The following CCDC178 variants were observed in gnomAD, a reference collection of about 807,000 sequenced individuals.
The protein encoded by CCDC178 is coiled-coil domain containing 178.
In CCDC178, 126 loss-of-function variants were observed where a neutral mutation model predicts 117.4. The observed-to-expected ratio is 1.07, with a 90% CI of 0.93 to 1.24. The LOEUF (loss-of-function observed/expected upper bound fraction) is 1.24, where lower values mean the gene tolerates loss of function less well. Among genes scored for constraint, CCDC178 ranks in the 50% most tolerant of loss-of-function variants. The pLI is 0.00. For synonymous variants in CCDC178, 283 were observed against 313.4 expected (o/e 0.90, Z 1.02); for missense variants, 1,030 against 986.9 (o/e 1.04, Z -0.59).
At chr18:33,028,860 T>C (rs1337364996) in intron 21 of CCDC178, among the ~76,000 whole-genome samples, 1 of 151,918 alleles carries the variant, frequency 6.6e-6, no homozygotes. Flanking sequence ...CTTGCATACC[T>C]AGGAAAAATC....
chr18:33,279,082 A>G (rs921305673), intron 12 of CCDC178, among the ~76,000 whole-genome samples: 3 of 152,102 alleles, frequency 2.0e-5, no homozygotes, highest in Non-Finnish European at 4.4e-5. Context: ...CCTATTCAAC[A>G]TAGTGTTGGA....
intron 21 of CCDC178, among the ~76,000 whole-genome samples, chr18:33,057,373 C>T (rs1445742587): frequency 6.6e-6 from 1 of 152,114 alleles, no homozygotes; most frequent in Non-Finnish European, 1.5e-5. Flanking sequence ...ACAATAATGA[C>T]ATATAAGGCA....
rs1208916351 is a variant in CCDC178 at position 33,239,857 on chromosome 18, G to T, written c.1593+5388C>A. Among the ~76,000 whole-genome samples, 4 of 151,018 alleles carry T rather than the reference G, an allele frequency of 2.6e-5. No homozygotes were observed. In the East Asian group the frequency reaches 5.8e-4, roughly 22 times the overall value. On this transcript the variant is annotated intron_variant, in intron 15 of 22. Transcript: ENST00000383096. ...TCTAAATAGCACCATTGACCAAATG[G>T]ACCTAACAGATATTTAGAGAATGTT...
At chr18:33,409,748 A>G (rs757346762) in intron 3 of CCDC178, among the ~76,000 whole-genome samples, 5 of 152,116 alleles carry the variant, frequency 3.3e-5, no homozygotes, top group Non-Finnish European at 2.9e-5. Flanking sequence ...ACAGAATAGG[A>G]AATCTGATGA....
intron 11 of CCDC178, among the ~76,000 whole-genome samples, chr18:33,317,582 G>T (rs2062437882): frequency 6.6e-6 from 1 of 152,010 alleles, no homozygotes; most frequent in Non-Finnish European, 1.5e-5. Flanking sequence ...ATTCTTTCTT[G>T]CACGAGATCC....
At chr18:33,005,057 G>A (rs573734785) in intron 21 of CCDC178, among the ~76,000 whole-genome samples, 1 of 152,140 alleles carries the variant, frequency 6.6e-6, no homozygotes, top group Admixed American at 6.6e-5. Flanking sequence ...ATAGTTTGGA[G>A]GTTGTTCAAA....
At chr18:32,956,332 CA>C (rs544572876) in intron 22 of CCDC178, among the ~76,000 whole-genome samples, 3 of 152,234 alleles carry the variant, frequency 2.0e-5, no homozygotes, top group African/African-American at 7.2e-5. Context: ...CTAAGAAATA[CA>C]GCATAAAGTG....
At chr18:33,238,776 G>A (rs2059453955) in intron 15 of CCDC178, among the ~76,000 whole-genome samples, 1 of 152,106 alleles carries the variant, frequency 6.6e-6, no homozygotes, top group South Asian at 2.1e-4. Context: ...GATCCAGGAA[G>A]CTCAAATAAT....
At chr18:33,418,370 C>T (rs1204411812) in intron 2 of CCDC178, among the ~76,000 whole-genome samples, 1 of 151,952 alleles carries the variant, frequency 6.6e-6, no homozygotes, top group Non-Finnish European at 1.5e-5. Flanking sequence ...TAAGACAAAC[C>T]CACAGCCATC....
In CCDC178 at chr18:33,381,872, C is replaced by T. The variant is rs772613980; in HGVS notation, c.208+7668G>A. Among the ~76,000 whole-genome samples, 190 of 150,118 alleles carry T rather than the reference C, an allele frequency of 1.3e-3. 1 individual carries two copies. The highest frequency in any genetic ancestry group is 3.5e-3 in the Admixed American group (53 of 15,106). ...TTTTTTTTTTCAATTTAGGATTATC[C>T]TTCATATATTTTATTTGGCCTACAA... On this transcript the variant is annotated intron_variant, in intron 5 of 22. Coordinates refer to ENST00000383096, the MANE Select transcript of CCDC178 (RefSeq NM_001105528.4).
At chr18:33,000,930 C>A (rs1428561139) in intron 21 of CCDC178, among the ~76,000 whole-genome samples, 1 of 152,078 alleles carries the variant, frequency 6.6e-6, no homozygotes, top group Non-Finnish European at 1.5e-5. Flanking sequence ...AATATTATGG[C>A]ACTGTAATTG....
At chr18:33,415,971 G>A (rs900380639) in intron 2 of CCDC178, among the ~76,000 whole-genome samples, 2 of 152,170 alleles carry the variant, frequency 1.3e-5, no homozygotes, top group Admixed American at 6.5e-5. Context: ...TTCCAAACTT[G>A]AAGTAGAAGA....
chr18:33,274,149 T>G (rs1356101577), intron 12 of CCDC178, among the ~76,000 whole-genome samples: 1 of 151,726 alleles, frequency 6.6e-6, no homozygotes, highest in African/African-American at 2.4e-5. Context: ...TTTCCATTAT[T>G]AGAGACTATG....
chr18:33,415,445 G>T (rs964917541), intron 2 of CCDC178, among the ~76,000 whole-genome samples: 1 of 151,214 alleles, frequency 6.6e-6, no homozygotes, highest in African/African-American at 2.4e-5. Context: ...GCAAACTATC[G>T]CAAGGACAAA....
chr18:33,128,813 C>T (rs1356799917), intron 20 of CCDC178, among the ~76,000 whole-genome samples: 2 of 152,064 alleles, frequency 1.3e-5, no homozygotes, highest in Admixed American at 1.3e-4. Context: ...ATACAATTTT[C>T]TTTTTTTGTA....
chr18:33,227,178 A>C (rs576890207), intron 15 of CCDC178, among the ~76,000 whole-genome samples: 19 of 152,088 alleles, frequency 1.2e-4, no homozygotes, highest in African/African-American at 4.1e-4. Flanking sequence ...GTTTGTTTTT[A>C]ATATTACTTT....
At chr18:33,070,424 A>T (rs989925469) in intron 21 of CCDC178, among the ~76,000 whole-genome samples, 1 of 152,114 alleles carries the variant, frequency 6.6e-6, no homozygotes, top group African/African-American at 2.4e-5. Context: ...GGATAAAATG[A>T]CAAATATTGC....
At chr18:33,360,600 T>G (rs923138208) in intron 6 of CCDC178, among the ~76,000 whole-genome samples, 1 of 151,568 alleles carries the variant, frequency 6.6e-6, no homozygotes, top group Non-Finnish European at 1.5e-5. Context: ...CATGATCCTA[T>G]AAGCAGAAAA....
intron 10 of CCDC178, among the ~76,000 whole-genome samples, chr18:33,327,773 T>TAG (rs2062604970): frequency 1.4e-4 from 21 of 152,284 alleles, no homozygotes; most frequent in Admixed American, 8.5e-4. Context: ...TATCTGTTCA[T>TAG]TACTATGAAC....
Sources: allele counts gnomAD v4.1 joint callset (sites outside exome capture counted in the v4.1 genomes callset), GRCh38; gene constraint gnomAD v4.1.1; transcripts MANE v1.5; gene names NCBI Gene and HGNC (gene_info 2026-07-23, HGNC 2026-07-21).